ZFR: variants seen among roughly 807,000 people sequenced by gnomAD.
ZFR encodes the protein zinc finger RNA binding protein, also known as zinc finger RNA-binding protein.
Under a neutral mutation model 130.7 loss-of-function variants are expected in ZFR, and 19 were observed. The observed-to-expected ratio is 0.15, with a 90% CI of 0.10 to 0.21. The LOEUF is 0.21. Among genes scored for constraint, ZFR ranks in the 10% least tolerant of loss-of-function variants. The probability of loss-of-function intolerance (pLI) is 1.00; values close to 1 mark genes in which losing one functional copy is unlikely to be tolerated. For missense variants in ZFR, 872 were observed against 1,321.5 expected (o/e 0.66, Z 5.27); for synonymous variants, 466 against 456.9 (o/e 1.02, Z -0.25).
chr5:32,411,808 A>G (rs1354533333), intron 5 of ZFR, among the ~76,000 whole-genome samples: 1 of 151,826 alleles, frequency 6.6e-6, no homozygotes, highest in African/African-American at 2.4e-5. Context: ...TAAGTAATCT[A>G]GAGATAATTT....
chr5:32,357,377 T>C (rs760870676), intron 19 of ZFR, among the ~76,000 whole-genome samples: 2 of 152,198 alleles, frequency 1.3e-5, no homozygotes, highest in Non-Finnish European at 2.9e-5. Context: ...GTGATTCTCC[T>C]GCCTCAGCCT....
At chr5:32,368,258 G>A (rs569883881) in intron 17 of ZFR, among the ~76,000 whole-genome samples, 12 of 151,920 alleles carry the variant, frequency 7.9e-5, no homozygotes, top group African/African-American at 2.9e-4. Flanking sequence ...CCCCCAACAA[G>A]AGACGGAGTT....
Position 32,417,590 on chromosome 5 carries a change from C to T in ZFR, c.565+58G>A, listed in dbSNP as rs551672376. On this transcript the variant is annotated intron_variant, in intron 4 of 19. Coordinates refer to ENST00000265069, the MANE Select transcript of ZFR (RefSeq NM_016107.5). ...CTCAAAAGCTTATCTTCATTAAACG[C>T]AGTAAGTCATATACTTCAATAGTTT... 12 of 1,596,690 alleles carry T rather than the reference C, an allele frequency of 7.5e-6. 1 individual carries two copies. The South Asian group carries it at 1.3e-4, about 18-fold the overall frequency.
intron 17 of ZFR, among the ~76,000 whole-genome samples, chr5:32,367,541 T>G (rs1752574866): frequency 6.6e-6 from 1 of 152,164 alleles, no homozygotes. Context: ...CTCAGCCTCC[T>G]GAGTAGCTGG....
Position 32,404,109 on chromosome 5 carries a change from A to G in ZFR, c.1033-12T>C. On this transcript the variant is annotated splice_polypyrimidine_tract_variant and intron_variant, in intron 6 of 19. Transcript: ENST00000265069. ...TGTTCTTTATAAGTCTGTTTCAAAT[A>G]AAAAGGAAACATTTTGCTTCACTAA... is the stretch of plus-strand genomic sequence containing the variant. The G allele has an allele frequency of 6.3e-7, 1 of 1,575,422 alleles. No individual in the cohort carries two copies. The highest frequency in any genetic ancestry group is 8.6e-7 in the Non-Finnish European group (1 of 1,164,402).
At chr5:32,372,699 G>GGC (rs1015765196) in intron 17 of ZFR, among the ~76,000 whole-genome samples, 2 of 151,940 alleles carry the variant, frequency 1.3e-5, no homozygotes, top group African/African-American at 4.8e-5. Context: ...CAGACATGGT[G>GGC]GCGCGCGCGC....
At chr5:32,430,052 C>A (rs920007148) in intron 2 of ZFR, among the ~76,000 whole-genome samples, 4 of 133,280 alleles carry the variant, frequency 3.0e-5, no homozygotes, top group African/African-American at 1.1e-4. Flanking sequence ...TGGGATGTAG[C>A]CTGGGTGACA....
intron 5 of ZFR, among the ~76,000 whole-genome samples, chr5:32,411,707 T>TCGGG (rs1753714233): frequency 2.3e-5 from 1 of 43,466 alleles, no homozygotes; most frequent in Non-Finnish European, 4.2e-5. Context: ...AAAAAAAAAT[T>TCGGG]GAGGGGGGGC....
intron 4 of ZFR, 81 bp downstream of exon 4, chr5:32,417,567 C>G (rs1259806725): frequency 6.4e-7 from 1 of 1,567,558 alleles, no homozygotes; most frequent in African/African-American, 1.4e-5. Context: ...TAGATGGACT[C>G]AAAAGCTTAT....
At chr5:32,437,400 T>C (rs538094430) in intron 2 of ZFR, among the ~76,000 whole-genome samples, 2 of 152,256 alleles carry the variant, frequency 1.3e-5, no homozygotes, top group African/African-American at 4.8e-5. Flanking sequence ...AAGACTAATA[T>C]TCAAATAAAA....
intron 13 of ZFR, 56 bp downstream of exon 13, chr5:32,388,413 G>T (rs1753084667): frequency 6.6e-7 from 1 of 1,507,580 alleles, no homozygotes; most frequent in South Asian, 1.2e-5. Context: ...TCAAATGTAA[G>T]AAGTCCACAT....
chr5:32,397,043 A>G (rs1753330086), intron 10 of ZFR, among the ~76,000 whole-genome samples, 176 bp downstream of exon 10: 1 of 152,250 alleles, frequency 6.6e-6, no homozygotes, highest in East Asian at 1.9e-4. Flanking sequence ...TTAAAAATGG[A>G]TAAATAAAAA....
intron 2 of ZFR, among the ~76,000 whole-genome samples, chr5:32,433,872 GGAGCTTGAGACCAA>G (rs1391900997): frequency 6.6e-6 from 1 of 152,150 alleles, no homozygotes; most frequent in African/African-American, 2.4e-5. Context: ...CTTGAATCCA[GGAGCTTGAGACCAA>G]CCTGGGCAAC....
intron 19 of ZFR, among the ~76,000 whole-genome samples, chr5:32,362,584 C>A (rs1752460483): frequency 6.6e-6 from 1 of 152,156 alleles, no homozygotes; most frequent in Admixed American, 6.5e-5. Flanking sequence ...ACTACCATCA[C>A]AATCAAGATG....
At chr5:32,390,515 A>T in intron 11 of ZFR, 78 bp from the exon 12 acceptor site, 1 of 1,390,420 alleles carries the variant, frequency 7.2e-7, no homozygotes, top group Non-Finnish European at 9.6e-7. Flanking sequence ...TGACATAAAA[A>T]GCAATAAAAA....
intron 3 of ZFR, among the ~76,000 whole-genome samples, chr5:32,418,864 C>A (rs1753890605): frequency 6.6e-6 from 1 of 151,916 alleles, no homozygotes; most frequent in Non-Finnish European, 1.5e-5. Context: ...GAAATTAGGA[C>A]CAAATTTAAT....
chr5:32,377,712 A>C (rs1752853884), intron 17 of ZFR, among the ~76,000 whole-genome samples: 1 of 152,012 alleles, frequency 6.6e-6, no homozygotes, highest in African/African-American at 2.4e-5. Context: ...TTTTGAGATG[A>C]AGTCTCACTC....
chr5:32,380,856 G>A (rs1752921256), intron 15 of ZFR, among the ~76,000 whole-genome samples: 1 of 151,408 alleles, frequency 6.6e-6, no homozygotes, highest in African/African-American at 2.4e-5. Context: ...CACCATGTTG[G>A]CCAGGCTGGT....
At chr5:32,443,418 C>T (rs1754515152) in intron 2 of ZFR, among the ~76,000 whole-genome samples, 1 of 152,250 alleles carries the variant, frequency 6.6e-6, no homozygotes, top group African/African-American at 2.4e-5. Context: ...CCCACCATTC[C>T]CCGCAGGGGA....
Sources: gnomAD v4.1 joint callset for allele counts (sites outside exome capture counted in the v4.1 genomes callset) on GRCh38, gnomAD v4.1.1 for gene constraint, MANE v1.5 for transcripts, NCBI Gene and HGNC (gene_info 2026-07-23, HGNC 2026-07-21) for gene names.